The following STPG2 variants were observed in gnomAD, a reference collection of about 807,000 sequenced individuals.
STPG2 encodes the protein sperm-tail PG-rich repeat-containing protein 2.
A neutral mutation model predicts 54.2 loss-of-function variants in STPG2; 56 were observed. The observed-to-expected ratio is 1.03, with a 90% confidence interval of 0.83 to 1.29. STPG2 has a LOEUF of 1.29. Among genes scored for constraint, STPG2 ranks in the 50% most tolerant of loss-of-function variants. The pLI, the probability that STPG2 is intolerant of heterozygous loss-of-function variation, is 0.00. For missense variants in STPG2, 596 were observed against 544.9 expected (o/e 1.09, Z -0.93); for synonymous variants, 200 against 181.8 (o/e 1.10, Z -0.81).
intron 5 of STPG2, among the ~76,000 whole-genome samples, chr4:98,086,749 T>G (rs1738529753): frequency 6.6e-6 from 1 of 151,272 alleles, no homozygotes. Flanking sequence ...ATATTGCCAC[T>G]GGTTTTGTTT....
intron 9 of STPG2, among the ~76,000 whole-genome samples, chr4:97,752,558 C>G (rs995673088): frequency 2.0e-5 from 3 of 151,854 alleles, no homozygotes; most frequent in African/African-American, 7.2e-5. Context: ...AGGCACCCAA[C>G]TGCATAGAAG....
At chr4:97,835,050 GAC>G (rs1481858387) in intron 9 of STPG2, among the ~76,000 whole-genome samples, 3 of 152,106 alleles carry the variant, frequency 2.0e-5, no homozygotes, top group African/African-American at 4.8e-5. Flanking sequence ...ATAAGGCTGA[GAC>G]ATGCTGGGCT....
chr4:97,825,710 G>C (rs894907753), intron 9 of STPG2, among the ~76,000 whole-genome samples: 2 of 152,018 alleles, frequency 1.3e-5, no homozygotes, highest in African/African-American at 4.8e-5. Context: ...GTCTGTCTGG[G>C]TATTTATATA....
chr4:97,770,514 G>GT (rs1726185634), intron 9 of STPG2, among the ~76,000 whole-genome samples: 1 of 152,106 alleles, frequency 6.6e-6, no homozygotes, highest in African/African-American at 2.4e-5. Flanking sequence ...TAAGGATTTT[G>GT]TTTTTTTAAT....
chr4:97,642,781 T>C (rs951857519), intron 10 of STPG2, among the ~76,000 whole-genome samples: 2 of 151,520 alleles, frequency 1.3e-5, no homozygotes, highest in African/African-American at 2.4e-5. Flanking sequence ...AGAAAATTCA[T>C]GTTATATATT....
At chr4:97,707,906 G>C (rs925117967) in intron 10 of STPG2, among the ~76,000 whole-genome samples, 5 of 152,094 alleles carry the variant, frequency 3.3e-5, no homozygotes, top group African/African-American at 7.2e-5. Flanking sequence ...ATTTTTAAAA[G>C]TAAAGACAAT....
intron 4 of STPG2, among the ~76,000 whole-genome samples, chr4:97,501,166 TA>T (rs1358258723): frequency 6.6e-6 from 1 of 151,988 alleles, no homozygotes; most frequent in Non-Finnish European, 1.5e-5. Flanking sequence ...ATACACAAGT[TA>T]GAGAAAATAT....
chr4:97,878,675 G>A (rs1024549734), intron 8 of STPG2, among the ~76,000 whole-genome samples: 1 of 152,152 alleles, frequency 6.6e-6, no homozygotes, highest in Non-Finnish European at 1.5e-5. Flanking sequence ...TTTCCTCCTG[G>A]CCTCTGGGTC....
chr4:97,969,021 C>T (rs985764091), intron 7 of STPG2, among the ~76,000 whole-genome samples: 22 of 152,122 alleles, frequency 1.4e-4, no homozygotes, highest in Admixed American at 5.9e-4. Context: ...TATAAACAGA[C>T]GCATGAAGGG....
chr4:97,540,161 C>G (rs1366965406), intron 4 of STPG2, among the ~76,000 whole-genome samples: 1 of 152,032 alleles, frequency 6.6e-6, no homozygotes, highest in African/African-American at 2.4e-5. Context: ...ACAAAAAACC[C>G]TTCAAAAAAT....
intron 10 of STPG2, among the ~76,000 whole-genome samples, chr4:97,584,492 C>A (rs1177780008): frequency 6.6e-6 from 1 of 151,792 alleles, no homozygotes. Flanking sequence ...CAAGAACACA[C>A]CAAATCCAAA....
chr4:97,800,596 G>T (rs1727355752), intron 9 of STPG2, among the ~76,000 whole-genome samples: 1 of 152,184 alleles, frequency 6.6e-6, no homozygotes, highest in Admixed American at 6.5e-5. Context: ...GCCCCTAATG[G>T]GGGGTGCCTC....
chr4:97,787,983 AAC>A (rs1218617549), intron 9 of STPG2, among the ~76,000 whole-genome samples: 2 of 151,978 alleles, frequency 1.3e-5, no homozygotes, highest in African/African-American at 2.4e-5. Flanking sequence ...TGGGGTACAT[AAC>A]ACAGTTTGAT....
intron 10 of STPG2, among the ~76,000 whole-genome samples, chr4:97,711,116 C>T (rs1724103615): frequency 6.6e-6 from 1 of 151,928 alleles, no homozygotes; most frequent in Admixed American, 6.6e-5. Context: ...GAATGCATCA[C>T]AAAATGAAAC....
chr4:97,490,372 GC>G (rs1365703875), intron 4 of STPG2, among the ~76,000 whole-genome samples: 1 of 151,300 alleles, frequency 6.6e-6, no homozygotes, highest in Non-Finnish European at 1.5e-5. Context: ...TCAGCCATTG[GC>G]AATATTAATT....
intron 2 of STPG2, among the ~76,000 whole-genome samples, chr4:98,129,909 G>A: frequency 6.6e-6 from 1 of 152,108 alleles, no homozygotes; most frequent in Admixed American, 6.5e-5. Context: ...CCAGGCTGGA[G>A]TGCAGTGGCA....
At chr4:97,993,640 G>C (rs950604743) in intron 5 of STPG2, among the ~76,000 whole-genome samples, 2 of 151,898 alleles carry the variant, frequency 1.3e-5, no homozygotes, top group Admixed American at 1.3e-4. Context: ...CTATCTTGTG[G>C]GATAGTATCA....
intron 10 of STPG2, among the ~76,000 whole-genome samples, chr4:97,602,329 A>G (rs1421610980): frequency 1.3e-5 from 2 of 151,794 alleles, no homozygotes; most frequent in African/African-American, 4.8e-5. Context: ...CAGTCAAAGG[A>G]CAGTTTTTGT....
intron 5 of STPG2, among the ~76,000 whole-genome samples, chr4:98,051,668 T>A (rs554024222): frequency 1.3e-5 from 2 of 152,206 alleles, no homozygotes; most frequent in East Asian, 3.9e-4. Flanking sequence ...ATAAGTTACC[T>A]AGTTTGTAAT....
Sources: allele counts gnomAD v4.1 joint callset (sites outside exome capture counted in the v4.1 genomes callset), GRCh38; gene constraint gnomAD v4.1.1; transcripts MANE v1.5; gene names NCBI Gene and HGNC (gene_info 2026-07-23, HGNC 2026-07-21).